The following PC variants were observed in gnomAD, a reference collection of about 807,000 sequenced individuals.
PC encodes the protein pyruvate carboxylase.
PC carries 46 observed loss-of-function variants against 107.8 expected under a neutral mutation model. The ratio of observed to expected loss-of-function variants is 0.43; its 90% confidence interval spans 0.34 to 0.55. The LOEUF (loss-of-function observed/expected upper bound fraction) is 0.55, where lower values mean the gene tolerates loss of function less well. Ranked by LOEUF, PC falls within the 20% of genes least tolerant of loss-of-function variation. PC has a pLI of 0.04. For missense variants in PC, 1,241 were observed against 1,643.1 expected, an observed-to-expected ratio of 0.76 and a Z score of 4.23; for synonymous variants, 662 against 684.7, an observed-to-expected ratio of 0.97 and a Z score of 0.52.
At chr11:66,895,026 GAAAA>G (rs11421698) in intron 3 of PC, among the ~76,000 whole-genome samples, 1 of 126,758 alleles carries the variant, frequency 7.9e-6, no homozygotes. Flanking sequence ...TCCGTCTCAG[GAAAA>G]AAAAAAAAAA....
In PC at chr11:66,857,143, G is replaced by A. The variant is rs1418776745; in HGVS notation, c.1369-3760C>T. 2 of 148,306 alleles carry A rather than the reference G, an allele frequency of 1.3e-5. No homozygotes were observed. 9.2% of individuals were successfully genotyped at this position (148,306 alleles called of 1,614,324 possible). A position where few individuals can be genotyped will look rare whatever the true frequency, so the allele number is the denominator to read the frequency against. Reference sequence around the variant, plus strand: ...AAGGTGCCGGGAACCGAGCGAGCCGGGGCCGCGGGCCCGAGCGCCATGGGC... The same window carrying A: ...AAGGTGCCGGGAACCGAGCGAGCCGAGGCCGCGGGCCCGAGCGCCATGGGC... On this transcript the variant is annotated intron_variant, in intron 12 of 22. Coordinates refer to ENST00000393960, the MANE Select transcript of PC (RefSeq NM_001040716.2). The surrounding 1 kb of genome is among the most constrained non-coding windows in gnomAD (Gnocchi z 7.1).
intron 3 of PC, among the ~76,000 whole-genome samples, chr11:66,909,918 A>T (rs575797969): frequency 6.6e-6 from 1 of 152,264 alleles, no homozygotes; most frequent in African/African-American, 2.4e-5. Flanking sequence ...GGGTATGAGC[A>T]GAAGGGGACG....
intron 3 of PC, among the ~76,000 whole-genome samples, chr11:66,882,222 C>T (rs941793268): frequency 2.0e-5 from 3 of 152,258 alleles, no homozygotes; most frequent in Non-Finnish European, 4.4e-5. Context: ...AGGCCATCAT[C>T]CCCCAAGTTT....
At position 66,849,177 on chromosome 11, in the gene PC, A is replaced by G. The variant is rs770705087; in HGVS notation, c.3289-30T>C. On this transcript the variant is annotated intron_variant, in intron 22 of 22. Coordinates refer to ENST00000393960, the MANE Select transcript of PC (RefSeq NM_001040716.2). ...AGACACAGGGCAGAGGGGACATGAC[A>G]TCCTGGGCCCAGCCAAGCCCCACCG... 6.2e-6 allele frequency: 10 copies of G among 1,613,716 alleles called. No homozygotes were observed. In the East Asian group the frequency reaches 2.2e-4, roughly 36 times the overall value.
intron 3 of PC, among the ~76,000 whole-genome samples, chr11:66,948,568 AAT>A (rs758368036): frequency 6.6e-6 from 1 of 152,168 alleles, no homozygotes; most frequent in Non-Finnish European, 1.5e-5. Context: ...TAAAAACTAA[AAT>A]GTATCACGCC....
At chr11:66,917,081 T>C (rs1948480250) in intron 3 of PC, among the ~76,000 whole-genome samples, 1 of 152,012 alleles carries the variant, frequency 6.6e-6, no homozygotes, top group Non-Finnish European at 1.5e-5. Context: ...TTTTTGTTTT[T>C]GTTCCTTTGA....
Position 66,912,527 on chromosome 11 carries a change from C to CTG in PC, c.-1+39902_-1+39903insCA, listed in dbSNP as rs1163771152. Among the ~76,000 whole-genome samples, 8 of 152,180 alleles carry CTG rather than the reference C, an allele frequency of 5.3e-5. No individual in the cohort carries two copies. In the South Asian group the frequency reaches 8.3e-4, roughly 16 times the overall value. ...GCACTGAGTAGGTGGGATGGCTGAC[C>CTG]TCAGCGCTGTGTGACTGACAGCCGT... is the stretch of plus-strand genomic sequence containing the variant. On this transcript the variant is annotated intron_variant, in intron 3 of 22. Transcript: ENST00000393960.
In PC at chr11:66,921,581, G is replaced by C. The variant is rs546052072; in HGVS notation, c.-1+30849C>G. 5.3e-5 allele frequency among the ~76,000 whole-genome samples: 8 copies of C among 152,242 alleles called. No individual in the cohort carries two copies. In the East Asian group the frequency reaches 1.5e-3, roughly 29 times the overall value. ...CTCTGGGGGTGGTGGCTTTGTTCTG[G>C]TGCAGGGGAAGGCAGGGGCATGGGC... On this transcript the variant is annotated intron_variant, in intron 3 of 22. Coordinates refer to ENST00000393960, the MANE Select transcript of PC (RefSeq NM_001040716.2).
intron 3 of PC, among the ~76,000 whole-genome samples, chr11:66,894,088 C>T (rs905435249): frequency 1.3e-5 from 2 of 152,116 alleles, no homozygotes; most frequent in Admixed American, 6.5e-5. Flanking sequence ...TACCAATCCA[C>T]ATTAGGTACT....
At chr11:66,873,540 TATATAATATTATA>T (rs1946863637) in intron 3 of PC, among the ~76,000 whole-genome samples, 1 of 102,616 alleles carries the variant, frequency 9.7e-6, no homozygotes, top group African/African-American at 3.9e-5. Flanking sequence ...ATATATATTA[TATATAATATTATA>T]ATATTATATA....
At chr11:66,864,018 A>C (rs1946388962) in intron 11 of PC, 62 bp from the exon 12 acceptor site, 2 of 1,560,304 alleles carry the variant, frequency 1.3e-6, no homozygotes, top group South Asian at 2.2e-5. Flanking sequence ...TGCCCCACCC[A>C]CCCCGAGGCT....
intron 3 of PC, among the ~76,000 whole-genome samples, chr11:66,937,959 G>A (rs1366811775): frequency 6.6e-6 from 1 of 151,938 alleles, no homozygotes; most frequent in African/African-American, 2.4e-5. Context: ...TGTATTTTTA[G>A]TAGAGACGGG....
At chr11:66,919,681 T>C (rs953804656) in intron 3 of PC, 1 of 152,214 alleles carries the variant, frequency 6.6e-6, no homozygotes, top group African/African-American at 2.4e-5. Context: ...TCTAAGTCAC[T>C]GAGAAAAGAA....
chr11:66,898,219 C>T (rs1401797205), intron 3 of PC, among the ~76,000 whole-genome samples: 1 of 152,212 alleles, frequency 6.6e-6, no homozygotes, highest in Non-Finnish European at 1.5e-5. Context: ...GACAGCACCT[C>T]CACCCGGCCA....
At chr11:66,892,572 C>T (rs537104628) in intron 3 of PC, among the ~76,000 whole-genome samples, 11 of 152,222 alleles carry the variant, frequency 7.2e-5, no homozygotes, top group Non-Finnish European at 1.2e-4. Flanking sequence ...TGTCGCCGGG[C>T]GCGGTGGCTC....
rs1453225876 is a variant in PC, at chr11:66,850,827, C to T, written c.2320G>A (p.Asp774Asn). 4.3e-6 allele frequency: 7 copies of T among 1,612,128 alleles called. No individual in the cohort carries two copies. The South Asian group carries it at 5.5e-5, about 13-fold the overall frequency. The change falls in exon 18 of 23, where the codon GAC (aspartate) becomes AAC (asparagine). Residue 774 changes from aspartate (D) to asparagine (N), a missense_variant. Physicochemically the swap from Asp to Asn is conservative, Grantham distance 23. Around this residue, in one of 2 missense-constraint regions of PC, gnomAD observed 1,143 missense variants for 1,551.9 expected, o/e 0.74. Transcript: ENST00000393960. ...PDLPLHIHTH[D>N]TSGAGVAAML... ...GCTGCCACGCCTGCCCCTGACGTGT[C>T]GTGGGTGTGGATGTGCAGTGGGAGG...
At chr11:66,925,923 TAAA>T (rs61309968) in intron 3 of PC, among the ~76,000 whole-genome samples, 16 of 134,488 alleles carry the variant, frequency 1.2e-4, no homozygotes, top group Admixed American at 1.5e-4. Context: ...GGAGGGGAGT[TAAA>T]AAAAAAAAAA....
chr11:66,866,361 T>TG lies in PC; in HGVS notation c.1023-13dup. On this transcript the variant is annotated splice_polypyrimidine_tract_variant and intron_variant, in intron 10 of 22. Coordinates refer to ENST00000393960, the MANE Select transcript of PC (RefSeq NM_001040716.2). This position sits in a 1 kb window ranked among gnomAD's most constrained non-coding sequence, Gnocchi z 5.4. Reference sequence around the variant, plus strand: ...GGACCAGGTCTACGCTGTAGGGCATTGGGGGGAGGGGGGAAAGGACGGGAG... The same window carrying TG: ...GGACCAGGTCTACGCTGTAGGGCATTGGGGGGGAGGGGGGAAAGGACGGGAG... 2 of 1,192,412 alleles carry TG rather than the reference T, an allele frequency of 1.7e-6. No homozygotes were observed. The highest frequency in any genetic ancestry group is 1.9e-5 in the South Asian group (1 of 53,472). 73.9% of individuals were successfully genotyped at this position (1,192,412 alleles called of 1,614,324 possible).
At position 66,871,187 on chromosome 11, in the gene PC, A is replaced by C. The variant is rs762163326; in HGVS notation, c.498T>G (p.Val166=). 6.2e-7 allele frequency: 1 copy of C among 1,613,222 alleles called. No individual in the cohort carries two copies. The highest frequency in any genetic ancestry group is 8.5e-7 in the Non-Finnish European group (1 of 1,179,362). Residue 166 remains valine (V), a synonymous_variant, in exon 7 of 23, where the codon GTT becomes GTG. Transcript: ENST00000393960. This position sits in a 1 kb window ranked among gnomAD's most constrained non-coding sequence, Gnocchi z 7.4. ...TGATGGGGGCATCTGTGCCAGGGAC[A>C]ACGGGAACACCTGTTGGGAGAAAGG... ...RAIAIAAGVP[V]VPGTDAPITS...
Sources: gnomAD v4.1 joint callset for allele counts (sites outside exome capture counted in the v4.1 genomes callset) on GRCh38, gnomAD v4.1.1 for gene constraint, gnomAD v4.1.1 regional missense constraint, Gnocchi (gnomAD v3.1) non-coding constraint, MANE v1.5 for transcripts, NCBI Gene and HGNC (gene_info 2026-07-23, HGNC 2026-07-21) for gene names.